STAM2: variants seen among roughly 807,000 people sequenced by gnomAD.
The protein encoded by STAM2 is signal transducing adapter molecule 2.
A neutral mutation model predicts 65.6 loss-of-function variants in STAM2; 51 were observed. The ratio of observed to expected loss-of-function variants is 0.78; its 90% CI spans 0.62 to 0.98. The LOEUF is 0.98. Ranked by LOEUF, STAM2 falls within the 50% of genes least tolerant of loss-of-function variation. The pLI is 0.00. For synonymous variants in STAM2, 198 were observed against 208.4 expected (o/e 0.95, Z 0.43); for missense variants, 584 against 617.8 (o/e 0.95, Z 0.58).
intron 7 of STAM2, 108 bp from the exon 8 acceptor site, chr2:152,135,711 G>A (rs1689141021): frequency 9.9e-6 from 7 of 708,500 alleles, no homozygotes; most frequent in Non-Finnish European, 1.4e-5. Context: ...CCGTTTACAA[G>A]CAGCTATAAT....
chr2:152,134,001 C>T (rs1254813140), intron 8 of STAM2, among the ~76,000 whole-genome samples: 1 of 151,912 alleles, frequency 6.6e-6, no homozygotes, highest in African/African-American at 2.4e-5. Flanking sequence ...AAGCTAACTT[C>T]GATAATAGTT....
chr2:152,129,220 T>C (rs1689015874), intron 11 of STAM2, among the ~76,000 whole-genome samples: 2 of 152,204 alleles, frequency 1.3e-5, no homozygotes. Flanking sequence ...CGTGGCTCAC[T>C]GCAGCCTCCT....
chr2:152,121,875 T>G (rs1180853452), intron 13 of STAM2, among the ~76,000 whole-genome samples: 2 of 151,834 alleles, frequency 1.3e-5, no homozygotes, highest in African/African-American at 4.8e-5. Flanking sequence ...AAACTCCGTC[T>G]CTACTACAAA....
chr2:152,166,469 C>T (rs1689787250), intron 1 of STAM2, among the ~76,000 whole-genome samples: 1 of 152,066 alleles, frequency 6.6e-6, no homozygotes, highest in South Asian at 2.1e-4. Flanking sequence ...AGTTTGATAT[C>T]CTACCCTACA....
chr2:152,162,353 C>A (rs1579333688), intron 1 of STAM2, among the ~76,000 whole-genome samples: 1 of 152,166 alleles, frequency 6.6e-6, no homozygotes, highest in East Asian at 1.9e-4. Flanking sequence ...AGGAGGATCA[C>A]TTGAGAGTCC....
intron 7 of STAM2, among the ~76,000 whole-genome samples, chr2:152,141,763 G>A (rs1407770218): frequency 2.0e-5 from 3 of 151,600 alleles, no homozygotes; most frequent in African/African-American, 7.3e-5. Flanking sequence ...GCTAATTTTT[G>A]TATTTTTAGT....
chr2:152,128,576 G>C (rs981913688), intron 11 of STAM2, among the ~76,000 whole-genome samples: 1 of 152,174 alleles, frequency 6.6e-6, no homozygotes, highest in Non-Finnish European at 1.5e-5. Flanking sequence ...CATGATCACT[G>C]TGTTTGAAAT....
At chr2:152,128,874 GT>G (rs1401637218) in intron 11 of STAM2, among the ~76,000 whole-genome samples, 1 of 152,106 alleles carries the variant, frequency 6.6e-6, no homozygotes, top group Non-Finnish European at 1.5e-5. Flanking sequence ...CAGTAGAGAT[GT>G]TTTTCTTAGT....
intron 1 of STAM2, among the ~76,000 whole-genome samples, chr2:152,171,174 T>G (rs1689892440): frequency 6.6e-6 from 1 of 152,170 alleles, no homozygotes; most frequent in African/African-American, 2.4e-5. Flanking sequence ...AAGAATGGGA[T>G]CAGGTAGCTG....
rs1255364344 is a variant in STAM2, at chr2:152,118,234, A to C, written c.*2340T>G. 6.6e-6 allele frequency: 1 copy of C among 152,054 alleles called. No individual in the cohort carries two copies. Among genetic ancestry groups the C allele is most frequent in the Non-Finnish European group, 1.5e-5 (1 of 67,948 alleles). The allele number at this position is 152,054 out of a possible 1,614,324, so 9.4% of individuals were successfully genotyped here. A position where few individuals can be genotyped will look rare whatever the true frequency, so the allele number is the denominator to read the frequency against. The stretch of plus-strand genomic sequence containing the variant: ...ACAATTATAAACAGGTCTTAATATA[A>C]ATAGAATCCATAAGCCCATAAAAAG... On this transcript the variant is annotated 3_prime_UTR_variant, in exon 14 of 14. Coordinates refer to ENST00000263904, the MANE Select transcript of STAM2 (RefSeq NM_005843.6).
chr2:152,153,371 CTT>C (rs982606760), intron 1 of STAM2, among the ~76,000 whole-genome samples: 1 of 141,378 alleles, frequency 7.1e-6, no homozygotes. Flanking sequence ...AGAGTAATTT[CTT>C]TTTTTTTTTT....
intron 1 of STAM2, among the ~76,000 whole-genome samples, chr2:152,164,341 C>CTT (rs1195012082): frequency 2.8e-5 from 4 of 141,826 alleles, no homozygotes; most frequent in Admixed American, 7.1e-5. Flanking sequence ...CCATGATTAA[C>CTT]TTTTTTTTTT....
chr2:152,144,822 C>G (rs1689309467), intron 6 of STAM2, 66 bp downstream of exon 6: 1 of 1,407,870 alleles, frequency 7.1e-7, no homozygotes, highest in South Asian at 1.2e-5. Flanking sequence ...CAGGCGTGAG[C>G]CACCGCGCCC....
chr2:152,132,495 G>C (rs1362203461), intron 10 of STAM2, among the ~76,000 whole-genome samples: 1 of 152,106 alleles, frequency 6.6e-6, no homozygotes, highest in Non-Finnish European at 1.5e-5. Flanking sequence ...TTAAGCCACA[G>C]TATATAAACT....
At chr2:152,141,259 G>A (rs1429431083) in intron 7 of STAM2, among the ~76,000 whole-genome samples, 2 of 151,974 alleles carry the variant, frequency 1.3e-5, no homozygotes, top group East Asian at 2.0e-4. Flanking sequence ...CCTTTGGGCC[G>A]GCACAGTGGC....
intron 1 of STAM2, among the ~76,000 whole-genome samples, chr2:152,166,866 C>T (rs1689797273): frequency 6.6e-6 from 1 of 152,076 alleles, no homozygotes; most frequent in African/African-American, 2.4e-5. Flanking sequence ...ACTTTTAGTA[C>T]AAATGAGAAG....
intron 11 of STAM2, chr2:152,131,888 A>G: frequency 2.0e-6 from 1 of 512,462 alleles, no homozygotes; most frequent in Non-Finnish European, 3.5e-6. Flanking sequence ...AAAGTAAGCC[A>G]TGCAAAATTT....
intron 7 of STAM2, among the ~76,000 whole-genome samples, chr2:152,139,291 T>TCAC (rs1689205259): frequency 6.6e-6 from 1 of 152,114 alleles, no homozygotes; most frequent in African/African-American, 2.4e-5. Context: ...AACATAAACC[T>TCAC]CACCTTCAAC....
chr2:152,143,504 G>A (rs1689286566), intron 7 of STAM2, among the ~76,000 whole-genome samples: 1 of 152,086 alleles, frequency 6.6e-6, no homozygotes. Context: ...AAGTTTTTCT[G>A]CCAATAATTT....
Sources: gnomAD v4.1 joint callset for allele counts (sites outside exome capture counted in the v4.1 genomes callset) on GRCh38, gnomAD v4.1.1 for gene constraint, MANE v1.5 for transcripts, NCBI Gene and HGNC (gene_info 2026-07-23, HGNC 2026-07-21) for gene names.